The following ZDHHC15 variants were observed in gnomAD, a reference collection of about 807,000 sequenced individuals.
The protein encoded by ZDHHC15 is zDHHC palmitoyltransferase 15, also known as palmitoyltransferase ZDHHC15.
ZDHHC15 carries 19 observed loss-of-function variants against 31.7 expected under a neutral mutation model. The ratio of observed to expected loss-of-function variants is 0.60; its 90% CI spans 0.42 to 0.88. ZDHHC15 has a LOEUF of 0.88. ZDHHC15 is among the 40% of genes least tolerant of loss of function. The pLI, the probability that ZDHHC15 is intolerant of heterozygous loss-of-function variation, is 0.00. For missense variants in ZDHHC15, 209 were observed against 251.2 expected (o/e 0.83, Z 1.14); for synonymous variants, 103 against 90.0 (o/e 1.14, Z -0.82).
chrX:75,508,213 G>A (rs1450443349), intron 1 of ZDHHC15, among the ~76,000 whole-genome samples: 1 of 109,053 alleles, frequency 9.2e-6, no homozygotes, highest in East Asian at 2.9e-4. Flanking sequence ...CATTGCAGAT[G>A]TATACATGTG....
chrX:75,420,036 A>C (rs1430156860), intron 9 of ZDHHC15, among the ~76,000 whole-genome samples: 6 of 108,538 alleles, frequency 5.5e-5, no homozygotes, highest in Admixed American at 2.0e-4. Flanking sequence ...CCAACATGGC[A>C]CATGTATACA....
chrX:75,406,544 A>T (rs2083412943), intron 10 of ZDHHC15, among the ~76,000 whole-genome samples: 1 of 110,777 alleles, frequency 9.0e-6, no homozygotes, highest in Admixed American at 9.6e-5. Flanking sequence ...ACAAAGAATC[A>T]TTAGAGATTA....
intron 10 of ZDHHC15, among the ~76,000 whole-genome samples, chrX:75,391,057 G>A (rs1201374365): frequency 8.9e-6 from 1 of 111,787 alleles, no homozygotes; most frequent in East Asian, 2.8e-4. Flanking sequence ...AGAAATTCTT[G>A]AGCTGAAAAA....
intron 3 of ZDHHC15, among the ~76,000 whole-genome samples, chrX:75,463,741 A>G (rs866069237): frequency 1.8e-5 from 2 of 111,615 alleles, no homozygotes; most frequent in Non-Finnish European, 3.8e-5. Context: ...ACCACAATGA[A>G]ATACCATCTC....
rs2082995089 is a variant in ZDHHC15 at position 75,370,481 on chromosome X, C to CT, written c.*2496dup. 1 of 102,207 alleles carries CT rather than the reference C, an allele frequency of 9.8e-6. No individual in the cohort carries two copies. Among genetic ancestry groups the CT allele is most frequent in the Non-Finnish European group, 1.9e-5 (1 of 51,609 alleles). The allele number at this position is 102,207 out of a possible 1,213,427, so 8.4% of individuals were successfully genotyped here. On this transcript the variant is annotated 3_prime_UTR_variant, in exon 12 of 12. Coordinates refer to ENST00000373367, the MANE Select transcript of ZDHHC15 (RefSeq NM_144969.3). Reference sequence around the variant, plus strand: ...AAATGCTAAGATAGGAATAGGTTTTCTTTTTATCTCTGAGCCCCTGGTAAA... The same window carrying CT: ...AAATGCTAAGATAGGAATAGGTTTTCTTTTTTATCTCTGAGCCCCTGGTAAA...
chrX:75,462,855 A>C (rs1287207531), intron 3 of ZDHHC15, among the ~76,000 whole-genome samples: 1 of 111,358 alleles, frequency 9.0e-6, no homozygotes, highest in Non-Finnish European at 1.9e-5. Flanking sequence ...ATCACAACTA[A>C]AAGAACTAGA....
chrX:75,467,212 T>A (rs1047273331), intron 3 of ZDHHC15, among the ~76,000 whole-genome samples: 2 of 112,472 alleles, frequency 1.8e-5, no homozygotes. Flanking sequence ...TTTTAAAAAT[T>A]CTTTTTAACA....
chrX:75,441,199 C>G (rs1284241403), intron 4 of ZDHHC15, among the ~76,000 whole-genome samples: 2 of 111,819 alleles, frequency 1.8e-5, no homozygotes, highest in Non-Finnish European at 1.9e-5. Flanking sequence ...CTGGATTCTG[C>G]CCAAGAAAAT....
chrX:75,434,182 G>C (rs1298077143), intron 4 of ZDHHC15, among the ~76,000 whole-genome samples: 3 of 111,354 alleles, frequency 2.7e-5, no homozygotes, highest in African/African-American at 9.8e-5. Flanking sequence ...ACTTTTTGAT[G>C]GGATTGTTTT....
chrX:75,419,248 T>C (rs1243123590), intron 9 of ZDHHC15, among the ~76,000 whole-genome samples: 5 of 110,962 alleles, frequency 4.5e-5, no homozygotes, highest in Non-Finnish European at 9.5e-5. Flanking sequence ...CAAACAAATT[T>C]ACAAGAAAAA....
chrX:75,496,287 G>T (rs916571082), intron 2 of ZDHHC15, among the ~76,000 whole-genome samples: 11 of 111,306 alleles, frequency 9.9e-5, no homozygotes, highest in Non-Finnish European at 1.3e-4. Context: ...GAAAAATTTA[G>T]GGCAATAGGA....
At chrX:75,504,698 C>G (rs1047513877) in intron 2 of ZDHHC15, among the ~76,000 whole-genome samples, 1 of 111,487 alleles carries the variant, frequency 9.0e-6, no homozygotes, top group African/African-American at 3.2e-5. Context: ...TAAGCCTCTA[C>G]TCAATTTGTC....
intron 3 of ZDHHC15, among the ~76,000 whole-genome samples, chrX:75,472,955 G>A (rs1429226696): frequency 8.9e-6 from 1 of 112,150 alleles, no homozygotes; most frequent in East Asian, 2.8e-4. Flanking sequence ...AATGGGCAGA[G>A]GTTTTTCCTC....
At chrX:75,386,086 C>A (rs1337155751) in intron 10 of ZDHHC15, among the ~76,000 whole-genome samples, 4 of 111,510 alleles carry the variant, frequency 3.6e-5, no homozygotes, top group Non-Finnish European at 7.5e-5. Context: ...GCATAAAGTA[C>A]CAGATTGAAA....
rs1210371097 is a variant in ZDHHC15, at chrX:75,371,351, G to A, written c.*1627C>T. ...ATCTAGGCTGCTTTTTAGCTTCTGA[G>A]TTTGAGAAAGTCACTAGCCCTAATA... On this transcript the variant is annotated 3_prime_UTR_variant, in exon 12 of 12. Transcript: ENST00000373367. The A allele has an allele frequency of 1.8e-5, 2 of 111,848 alleles. No individual in the cohort carries two copies. Among genetic ancestry groups the A allele is most frequent in the Non-Finnish European group, 3.8e-5 (2 of 53,189 alleles). The allele number at this position is 111,848 out of a possible 1,213,427, so 9.2% of individuals were successfully genotyped here.
At chrX:75,388,860 T>C (rs950379473) in intron 10 of ZDHHC15, among the ~76,000 whole-genome samples, 2 of 112,104 alleles carry the variant, frequency 1.8e-5, no homozygotes, top group African/African-American at 6.5e-5. Flanking sequence ...ATTGAGCAAC[T>C]ACTTACACAA....
intron 2 of ZDHHC15, among the ~76,000 whole-genome samples, chrX:75,492,782 G>A (rs1327569404): frequency 8.9e-6 from 1 of 111,864 alleles, no homozygotes; most frequent in East Asian, 2.8e-4. Context: ...ATTCAAAGCA[G>A]TGTGTAGAGG....
chrX:75,384,926 T>C, intron 10 of ZDHHC15: 2 of 452,323 alleles, frequency 4.4e-6, no homozygotes, highest in South Asian at 3.4e-5. Context: ...TGGCACTATC[T>C]ACTATCGCCA....
chrX:75,436,029 T>C (rs1373545730), intron 4 of ZDHHC15, among the ~76,000 whole-genome samples: 1 of 111,574 alleles, frequency 9.0e-6, no homozygotes, highest in Non-Finnish European at 1.9e-5. Context: ...TGCTTGTTAC[T>C]GGCCTCTTCA....
Sources: allele counts gnomAD v4.1 joint callset (sites outside exome capture counted in the v4.1 genomes callset), GRCh38; gene constraint gnomAD v4.1.1; transcripts MANE v1.5; gene names NCBI Gene and HGNC (gene_info 2026-07-23, HGNC 2026-07-21).